Variants in MS4A12 observed in about 807,000 individuals in gnomAD.
The protein encoded by MS4A12 is membrane spanning 4-domains A12.
In MS4A12, 28 loss-of-function variants were observed where a neutral mutation model predicts 23.7. That is an observed-to-expected ratio of 1.18 (90% confidence interval 0.88 to 1.62). MS4A12 has a LOEUF of 1.62. MS4A12 is among the 40% of genes most tolerant of loss of function. The pLI is 0.00. For missense variants in MS4A12, 342 were observed against 327.0 expected (o/e 1.05, Z -0.35); for synonymous variants, 108 against 110.1 (o/e 0.98, Z 0.12).
At chr11:60,500,206 A>T (rs891337299) in intron 2 of MS4A12, among the ~76,000 whole-genome samples, 1 of 150,622 alleles carries the variant, frequency 6.6e-6, no homozygotes, top group African/African-American at 2.4e-5. Flanking sequence ...ATGCCACTGC[A>T]CTCCAGCCTG....
At chr11:60,503,081 C>G (rs1028911027) in intron 4 of MS4A12, among the ~76,000 whole-genome samples, 3 of 152,166 alleles carry the variant, frequency 2.0e-5, no homozygotes, top group Admixed American at 6.5e-5. Context: ...GACTTGGTTT[C>G]ACAATTATTC....
At chr11:60,495,398 G>A (rs2086481103) in intron 1 of MS4A12, among the ~76,000 whole-genome samples, 1 of 151,362 alleles carries the variant, frequency 6.6e-6, no homozygotes, top group African/African-American at 2.4e-5. Flanking sequence ...AGGGTTATGA[G>A]TACAGGTTCT....
chr11:60,497,598 A>C lies in MS4A12; in HGVS notation c.276+4A>C. On this transcript the variant is annotated splice_donor_region_variant and intron_variant, in intron 2 of 6. Coordinates refer to ENST00000016913, the MANE Select transcript of MS4A12 (RefSeq NM_017716.3). Reference sequence around the variant, plus strand: ...AGAAGAAGCAAAGGCACTAGGGGTAAGTCTATTTACTACCAGAATTTTAAT... The same window carrying C: ...AGAAGAAGCAAAGGCACTAGGGGTACGTCTATTTACTACCAGAATTTTAAT... The C allele has an allele frequency of 6.2e-7, 1 of 1,613,626 alleles. No individual in the cohort carries two copies. The highest frequency in any genetic ancestry group is 8.5e-7 in the Non-Finnish European group (1 of 1,179,602).
chr11:60,503,758 A>G lies in MS4A12; in HGVS notation c.529A>G (p.Ile177Val), dbSNP rs760157189. Reference protein sequence around the residue: ...VSSILAFIGVILLLVDMCING... With the variant: ...VSSILAFIGVVLLLVDMCING... Reference sequence around the variant, plus strand: ...TTCTATCTTGGCCTTCATTGGAGTGATTCTGCTGCTGGTGGATATGTGCAT... The same window carrying G: ...TTCTATCTTGGCCTTCATTGGAGTGGTTCTGCTGCTGGTGGATATGTGCAT... Residue 177 changes from isoleucine (I) to valine (V), a missense_variant, in exon 5 of 7, where the codon ATT becomes GTT. Ile to Val is a conservative substitution (Grantham distance 29, BLOSUM62 3). Coordinates refer to ENST00000016913, the MANE Select transcript of MS4A12 (RefSeq NM_017716.3). The G allele has an allele frequency of 3.7e-6, 6 of 1,613,928 alleles. No homozygotes were observed. The highest frequency in any genetic ancestry group is 4.2e-6 in the Non-Finnish European group (5 of 1,179,876).
rs78557637 is a variant in MS4A12, at chr11:60,497,411, A to C, written c.93A>C (p.Gln31His). Reference sequence around the variant, plus strand: ...GCAGCTTTATGGCTCCTGGATTTCAACAGCCTCTGGGTTCAATCAACTTAG... The same window carrying C: ...GCAGCTTTATGGCTCCTGGATTTCACCAGCCTCTGGGTTCAATCAACTTAG... The part of the protein sequence containing the change: ...PPSSFMAPGF[Q>H]QPLGSINLEN... The change falls in exon 2 of 7, where the codon CAA becomes CAC. Residue 31 changes from glutamine (Q) to histidine (H), a missense_variant. Coordinates refer to ENST00000016913, the MANE Select transcript of MS4A12 (RefSeq NM_017716.3). 5 of 1,614,168 alleles carry C rather than the reference A, an allele frequency of 3.1e-6. No individual in the cohort carries two copies. The South Asian group carries it at 5.5e-5, about 18-fold the overall frequency.
At chr11:60,494,116 C>A (rs2086470438) in intron 1 of MS4A12, among the ~76,000 whole-genome samples, 1 of 152,174 alleles carries the variant, frequency 6.6e-6, no homozygotes, top group African/African-American at 2.4e-5. Context: ...ACAGAATTGT[C>A]TTCATTTCAA....
intron 5 of MS4A12, 104 bp downstream of exon 5, chr11:60,503,921 T>C: frequency 3.0e-6 from 3 of 996,672 alleles, no homozygotes; most frequent in Non-Finnish European, 4.5e-6. Context: ...GTGGAAAATG[T>C]TTTTTCTATT....
chr11:60,501,206 G>C (rs2186918), intron 3 of MS4A12, 24 bp downstream of exon 3: 1,582,567 of 1,583,946 alleles, frequency 1, 790,601 homozygotes, highest in East Asian at 1. Context: ...TAGAACACCA[G>C]TCCTTCTTGG....
intron 3 of MS4A12, 77 bp from the exon 4 acceptor site, chr11:60,501,906 C>A: frequency 2.2e-6 from 3 of 1,348,652 alleles, no homozygotes; most frequent in South Asian, 1.3e-5. Flanking sequence ...ATAAATAGAC[C>A]AACCTTTCAT....
chr11:60,492,882 A>G (rs1170054765), intron 1 of MS4A12, 54 bp downstream of exon 1: 1 of 152,220 alleles, frequency 6.6e-6, no homozygotes, highest in South Asian at 2.1e-4. Flanking sequence ...ATGGGCACAA[A>G]CTGTGGCTGG....
chr11:60,501,471 G>T (rs931619023), intron 3 of MS4A12, among the ~76,000 whole-genome samples: 2 of 152,154 alleles, frequency 1.3e-5, no homozygotes, highest in African/African-American at 2.4e-5. Context: ...CCAAAGTTTT[G>T]ATATCCTACT....
At chr11:60,495,149 C>G (rs1443489847) in intron 1 of MS4A12, among the ~76,000 whole-genome samples, 1 of 131,038 alleles carries the variant, frequency 7.6e-6, no homozygotes, top group Non-Finnish European at 1.6e-5. Flanking sequence ...ACCACCACTA[C>G]ACCCGGCTAA....
chr11:60,507,100 C>G lies in MS4A12; in HGVS notation c.780C>G (p.Asn260Lys). The G allele has an allele frequency of 6.2e-7, 1 of 1,613,356 alleles. No homozygotes were observed. Among genetic ancestry groups the G allele is most frequent in the East Asian group, 2.2e-5 (1 of 44,892 alleles). ...ASSSAPPRCNNYSANAPK is the reference protein window; with the variant it reads ...ASSSAPPRCNKYSANAPK ...CTTCAGCTCCTCCCAGATGCAACAA[C>G]TACTCAGCTAATGCCCCTAAATAGT... Residue 260 changes from asparagine (N) to lysine (K), a missense_variant, in exon 7 of 7, where the codon AAC (asparagine) becomes AAG (lysine). Asn to Lys is a moderately conservative substitution (Grantham distance 94). Coordinates refer to ENST00000016913, the MANE Select transcript of MS4A12 (RefSeq NM_017716.3).
At chr11:60,503,570 C>T in intron 4 of MS4A12, 131 bp from the exon 5 acceptor site, 2 of 713,314 alleles carry the variant, frequency 2.8e-6, no homozygotes, top group Non-Finnish European at 2.3e-6. Context: ...GGGCAGAAAA[C>T]AGAATAATTT....
In MS4A12 at chr11:60,497,550, G is replaced by A. The variant is rs770305113; in HGVS notation, c.232G>A (p.Gly78Arg). 2 of 1,614,102 alleles carry A rather than the reference G, an allele frequency of 1.2e-6. No homozygotes were observed. Among genetic ancestry groups the A allele is most frequent in the Non-Finnish European group, 1.7e-6 (2 of 1,179,964 alleles). The change falls in exon 2 of 7, where the codon GGA becomes AGA. Residue 78 changes from glycine to arginine, a missense_variant. Gly to Arg is a moderately radical substitution (Grantham distance 125). Transcript: ENST00000016913. ...GNIQMINPSV[G>R]TAVMNFKEEA... ...TATACAAATGATAAATCCAAGTGTG[G>A]GAACAGCAGTAATGAACTTTAAAGA...
At chr11:60,495,873 CAGA>C (rs2086484174) in intron 1 of MS4A12, among the ~76,000 whole-genome samples, 1 of 152,192 alleles carries the variant, frequency 6.6e-6, no homozygotes. Context: ...CATCAGAAGA[CAGA>C]AGTTTTGTTG....
In MS4A12 at chr11:60,497,505, AG is replaced by A; in HGVS notation, c.188del (p.Ser63IlefsTer10). 6.2e-7 allele frequency: 1 copy of A among 1,605,258 alleles called. No individual in the cohort carries two copies. The highest frequency in any genetic ancestry group is 8.5e-7 in the Non-Finnish European group (1 of 1,172,858). ...GITSPGIFASSQPGQGNIQMI... is the reference protein window; with the variant it reads ...GITSPGIFASXQPGQGNIQMI... ...CACATCTCCGGGAATCTTTGCTAGC[AG>A]TCAACCGGGTCAAGGAAATATACAA... On this transcript the variant is annotated frameshift_variant, in exon 2 of 7. Coordinates refer to ENST00000016913, the MANE Select transcript of MS4A12 (RefSeq NM_017716.3). LOFTEE classifies it high-confidence loss of function.
intron 5 of MS4A12, among the ~76,000 whole-genome samples, chr11:60,504,097 T>C (rs561996518): frequency 5.3e-5 from 8 of 152,280 alleles, no homozygotes; most frequent in African/African-American, 1.9e-4. Flanking sequence ...GCTTCTAAAA[T>C]TGTCCAAAAA....
At position 60,497,452 on chromosome 11, in the gene MS4A12, G is replaced by A. The variant is rs972176383; in HGVS notation, c.134G>A (p.Gly45Asp). 4.3e-6 allele frequency: 7 copies of A among 1,614,130 alleles called. No individual in the cohort carries two copies. Among genetic ancestry groups the A allele is most frequent in the Non-Finnish European group, 5.9e-6 (7 of 1,180,030 alleles). Residue 45 changes from glycine to aspartate, a missense_variant, in exon 2 of 7, where the codon GGT becomes GAT. Transcript: ENST00000016913. ...GSINLENQAQ[G>D]AQRAQPYGIT... The stretch of plus-strand genomic sequence containing the variant: ...ATCAACTTAGAAAACCAAGCTCAGG[G>A]TGCTCAGCGTGCTCAGCCCTACGGC...
Sources: gnomAD v4.1 joint callset for allele counts (sites outside exome capture counted in the v4.1 genomes callset) on GRCh38, gnomAD v4.1.1 for gene constraint, MANE v1.5 for transcripts, NCBI Gene and HGNC (gene_info 2026-07-23, HGNC 2026-07-21) for gene names.